DPY19L2: variants seen among roughly 807,000 people sequenced by gnomAD.
The protein encoded by DPY19L2 is dpy-19 like 2, also known as probable C-mannosyltransferase DPY19L2.
In DPY19L2, 34 loss-of-function variants were observed where a neutral mutation model predicts 97.9. That is an observed-to-expected ratio of 0.35 (90% CI 0.26 to 0.46). The LOEUF (loss-of-function observed/expected upper bound fraction) is 0.46, where lower values mean the gene tolerates loss of function less well. Among genes scored for constraint, DPY19L2 ranks in the 20% least tolerant of loss-of-function variants. DPY19L2 has a pLI of 1.00. For missense variants in DPY19L2, 623 were observed against 911.4 expected (o/e 0.68, Z 4.07); for synonymous variants, 230 against 307.9 (o/e 0.75, Z 2.65).
intron 1 of DPY19L2, among the ~76,000 whole-genome samples, chr12:63,666,825 C>G (rs1348825186): frequency 1.3e-5 from 2 of 152,048 alleles, no homozygotes; most frequent in African/African-American, 2.4e-5. Context: ...TATGGTTATC[C>G]TAAATATACT....
intron 19 of DPY19L2, among the ~76,000 whole-genome samples, chr12:63,575,703 T>C (rs1403170532): frequency 6.6e-6 from 1 of 151,778 alleles, no homozygotes; most frequent in Admixed American, 6.6e-5. Flanking sequence ...TAGAAATGGA[T>C]AAATCCCTAG....
chr12:63,571,528 C>G (rs1021800848), intron 19 of DPY19L2, among the ~76,000 whole-genome samples: 3 of 152,160 alleles, frequency 2.0e-5, no homozygotes, highest in African/African-American at 7.2e-5. Context: ...TGAGAGACTG[C>G]TATGAAGGGC....
At chr12:63,644,990 A>T (rs1044766325) in intron 5 of DPY19L2, among the ~76,000 whole-genome samples, 4 of 151,888 alleles carry the variant, frequency 2.6e-5, no homozygotes, top group African/African-American at 9.7e-5. Flanking sequence ...TATGGTTTTG[A>T]CTTTAGGGTA....
intron 12 of DPY19L2, among the ~76,000 whole-genome samples, chr12:63,605,278 C>G (rs1885849033): frequency 6.6e-6 from 1 of 152,040 alleles, no homozygotes; most frequent in Non-Finnish European, 1.5e-5. Context: ...TAGCAGGGCA[C>G]CTGTTAGTTC....
chr12:63,609,792 A>G (rs552018878), intron 11 of DPY19L2, among the ~76,000 whole-genome samples: 5 of 152,178 alleles, frequency 3.3e-5, no homozygotes, highest in Admixed American at 2.6e-4. Context: ...CAGTGCTCTC[A>G]TGAGAAACTG....
At chr12:63,564,791 T>C (rs1420318891) in intron 21 of DPY19L2, among the ~76,000 whole-genome samples, 2 of 152,166 alleles carry the variant, frequency 1.3e-5, no homozygotes, top group African/African-American at 2.4e-5. Context: ...AAATTTCTTT[T>C]TATTTGTTCT....
intron 21 of DPY19L2, among the ~76,000 whole-genome samples, chr12:63,567,027 T>G (rs1877857703): frequency 6.6e-6 from 1 of 152,108 alleles, no homozygotes; most frequent in African/African-American, 2.4e-5. Context: ...CTGTTCTGGC[T>G]TTCTTGACAT....
chr12:63,665,637 T>C (rs1387274858), intron 2 of DPY19L2, among the ~76,000 whole-genome samples, 198 bp downstream of exon 2: 1 of 152,198 alleles, frequency 6.6e-6, no homozygotes, highest in African/African-American at 2.4e-5. Context: ...CATAAGTGAC[T>C]ATTCCCCTAA....
chr12:63,666,733 T>C (rs979150725), intron 1 of DPY19L2, among the ~76,000 whole-genome samples: 7 of 152,176 alleles, frequency 4.6e-5, no homozygotes, highest in Non-Finnish European at 1.0e-4. Flanking sequence ...CCAAGTATTT[T>C]CATTGTCGTC....
chr12:63,588,722 T>C (rs1196857498), intron 16 of DPY19L2, among the ~76,000 whole-genome samples: 2 of 151,518 alleles, frequency 1.3e-5, no homozygotes, highest in African/African-American at 4.8e-5. Flanking sequence ...TATCCTGGTT[T>C]ATATAAACCA....
chr12:63,594,652 CTGTGTGTG>C lies in DPY19L2; in HGVS notation c.1534-527_1534-520del, dbSNP rs60604846. Among the ~76,000 whole-genome samples the C allele has an allele frequency of 4.5e-4, 50 of 111,912 alleles. 1 individual carries two copies. The highest frequency in any genetic ancestry group is 2.1e-3 in the African/African-American group (46 of 22,388). The allele number at this position is 111,912 out of a possible 152,430, so 73.4% of individuals were successfully genotyped here. ...GCTGCAGGGACGTGTGTGTGCGTGTCTGTGTGTGTGTGTGTGTGTATGCACATGCCCCT... is the reference window on the plus strand; with the variant it reads ...GCTGCAGGGACGTGTGTGTGCGTGTCTGTGTGTGTGTATGCACATGCCCCT... On this transcript the variant is annotated intron_variant, in intron 15 of 21. Transcript: ENST00000324472.
At chr12:63,667,501 T>C (rs1592792234) in intron 1 of DPY19L2, among the ~76,000 whole-genome samples, 6 of 152,288 alleles carry the variant, frequency 3.9e-5, no homozygotes, top group Admixed American at 2.6e-4. Context: ...GAATGTCCCC[T>C]GGACCACGGC....
intron 16 of DPY19L2, 173 bp from the exon 17 acceptor site, chr12:63,584,009 T>C: frequency 1.8e-6 from 1 of 564,088 alleles, no homozygotes; most frequent in Non-Finnish European, 3.1e-6. Context: ...ATTACAACAA[T>C]TTAAAAGTCA....
rs1888145554 is a variant in DPY19L2 at position 63,618,238 on chromosome 12, T to C, written c.1054-10A>G. 2.5e-6 allele frequency: 3 copies of C among 1,180,224 alleles called. No homozygotes were observed. The highest frequency in any genetic ancestry group is 2.6e-5 in the East Asian group (1 of 38,468). The allele number at this position is 1,180,224 out of a possible 1,614,324, so 73.1% of individuals were successfully genotyped here. A position where few individuals can be genotyped will look rare whatever the true frequency, so the allele number is the denominator to read the frequency against. On this transcript the variant is annotated splice_polypyrimidine_tract_variant and intron_variant, in intron 9 of 21. Coordinates refer to ENST00000324472, the MANE Select transcript of DPY19L2 (RefSeq NM_173812.5). ...GAAATAATGATGCTATCTGAAATAA[T>C]ATAAAAAAGCAAAAGTGAAAAAAAG...
At chr12:63,638,284 T>G (rs1383290881) in intron 6 of DPY19L2, among the ~76,000 whole-genome samples, 2 of 152,152 alleles carry the variant, frequency 1.3e-5, no homozygotes, top group African/African-American at 4.8e-5. Context: ...AAGCATTCCC[T>G]TTGAAAACCA....
rs545145117 is a variant in DPY19L2 at position 63,580,946 on chromosome 12, C to T, written c.1726-110G>A. 6 of 1,107,268 alleles carry T rather than the reference C, an allele frequency of 5.4e-6. No homozygotes were observed. In the African/African-American group the frequency reaches 6.3e-5, roughly 12 times the overall value. The allele number at this position is 1,107,268 out of a possible 1,614,324, so 68.6% of individuals were successfully genotyped here. ...ACCAATGTGAATTACCCTTTGATAT[C>T]AGCACACATGTATACAGAATTATCA... On this transcript the variant is annotated intron_variant, in intron 18 of 21. Transcript: ENST00000324472.
At chr12:63,635,324 A>G (rs1891458577) in intron 6 of DPY19L2, among the ~76,000 whole-genome samples, 1 of 152,128 alleles carries the variant, frequency 6.6e-6, no homozygotes, top group South Asian at 2.1e-4. Context: ...AACCACAAAG[A>G]TGGGGAGAAA....
intron 11 of DPY19L2, among the ~76,000 whole-genome samples, chr12:63,616,390 G>A (rs1349854835): frequency 2.0e-5 from 3 of 152,188 alleles, no homozygotes; most frequent in African/African-American, 7.2e-5. Context: ...AGAGAAAGAG[G>A]AGGGATTACT....
intron 4 of DPY19L2, among the ~76,000 whole-genome samples, chr12:63,660,072 T>C (rs1276757921): frequency 2.0e-5 from 3 of 152,174 alleles, no homozygotes; most frequent in African/African-American, 7.2e-5. Flanking sequence ...GAGAAAATTC[T>C]AGACAGCAGT....
Sources: gnomAD v4.1 joint callset for allele counts (sites outside exome capture counted in the v4.1 genomes callset) on GRCh38, gnomAD v4.1.1 for gene constraint, MANE v1.5 for transcripts, NCBI Gene and HGNC (gene_info 2026-07-23, HGNC 2026-07-21) for gene names.